Variants in GUCY2F observed in about 807,000 individuals in gnomAD.
GUCY2F encodes retinal guanylyl cyclase 2.
In GUCY2F, 61 loss-of-function variants were observed where a neutral mutation model predicts 73.1. The observed-to-expected ratio is 0.83, with a 90% CI of 0.68 to 1.03. GUCY2F has a LOEUF of 1.03. GUCY2F is among the 50% of genes least tolerant of loss of function. The pLI is 0.00. For synonymous variants in GUCY2F, 331 were observed against 307.8 expected (o/e 1.08, Z -0.79); for missense variants, 912 against 854.3 (o/e 1.07, Z -0.84).
In GUCY2F at chrX:109,404,467, G is replaced by T. The variant is rs200941900; in HGVS notation, c.1986C>A (p.His662Gln). 1 of 1,189,303 alleles carries T rather than the reference G, an allele frequency of 8.4e-7. No homozygotes were observed. Among genetic ancestry groups the T allele is most frequent in the Non-Finnish European group, 1.1e-6 (1 of 876,947 alleles). The change falls in exon 10 of 20, where the codon CAC becomes CAA. Residue 662 changes from histidine (H) to glutamine (Q), a missense_variant. Coordinates refer to ENST00000218006, the MANE Select transcript of GUCY2F (RefSeq NM_001522.3). ...GCCTCCCATGAACAAACTCTCTGTGGTGTAAGTACTTCATGCCCTGTAGAT... is the reference window on the plus strand; with the variant it reads ...GCCTCCCATGAACAAACTCTCTGTGTTGTAAGTACTTCATGCCCTGTAGAT... ...LDLIKGMKYLHHREFVHGRLK... is the reference protein window; with the variant it reads ...LDLIKGMKYLQHREFVHGRLK...
At chrX:109,376,933 G>GA (rs1259837593) in intron 17 of GUCY2F, among the ~76,000 whole-genome samples, 1 of 111,136 alleles carries the variant, frequency 9.0e-6, no homozygotes, top group Non-Finnish European at 1.9e-5. Context: ...TAATCCATAA[G>GA]AAAAAAATGT....
At chrX:109,467,876 C>A (rs1257113227) in intron 2 of GUCY2F, among the ~76,000 whole-genome samples, 2 of 112,409 alleles carry the variant, frequency 1.8e-5, no homozygotes, top group African/African-American at 6.5e-5. Context: ...ATCTGAAGAT[C>A]TGACTGTTAA....
At chrX:109,422,115 TG>T (rs1446578686) in intron 8 of GUCY2F, among the ~76,000 whole-genome samples, 1 of 111,949 alleles carries the variant, frequency 8.9e-6, no homozygotes, top group East Asian at 2.8e-4. Flanking sequence ...AACTTTCCGG[TG>T]TAATGAACAT....
intron 10 of GUCY2F, among the ~76,000 whole-genome samples, chrX:109,399,393 G>C (rs1930786440): frequency 8.9e-6 from 1 of 111,940 alleles, no homozygotes; most frequent in Non-Finnish European, 1.9e-5. Flanking sequence ...CATAGTAAAG[G>C]GAAATGAATC....
intron 7 of GUCY2F, among the ~76,000 whole-genome samples, chrX:109,433,495 T>C (rs1931662213): frequency 8.9e-6 from 1 of 112,030 alleles, no homozygotes; most frequent in South Asian, 3.8e-4. Context: ...GTTTGGGAGA[T>C]TTGTGTGTGT....
At position 109,395,433 on chromosome X, in the gene GUCY2F, C is replaced by T; in HGVS notation, c.2332G>A (p.Glu778Lys). The change falls in exon 12 of 20, where the codon GAG becomes AAG. Residue 778 changes from glutamate (E) to lysine (K), a missense_variant. Transcript: ENST00000218006. The part of the protein sequence containing the change: ...PPVYRPVVPP[E>K]HAPPECLQLM... ...TGGAGACATTCTGGAGGGGCATGCT[C>T]AGGAGGAACTACTGGTCTGTACACA... The T allele has an allele frequency of 8.4e-7, 1 of 1,197,149 alleles. No individual in the cohort carries two copies. Among genetic ancestry groups the T allele is most frequent in the Middle Eastern group, 2.3e-4 (1 of 4,316 alleles).
chrX:109,480,699 C>A (rs1932759297), intron 1 of GUCY2F, among the ~76,000 whole-genome samples: 1 of 110,733 alleles, frequency 9.0e-6, no homozygotes, highest in Admixed American at 9.7e-5. Flanking sequence ...GCTCTTTTCC[C>A]TTTGTTAACT....
At chrX:109,442,217 T>C (rs2147272945) in intron 6 of GUCY2F, among the ~76,000 whole-genome samples, 1 of 111,930 alleles carries the variant, frequency 8.9e-6, no homozygotes, top group Non-Finnish European at 1.9e-5. Flanking sequence ...CCTTTAAAAT[T>C]GAACCTCTGT....
rs113826288 is a variant in GUCY2F, at chrX:109,391,745, C to T, written c.2781+166G>A. On this transcript the variant is annotated intron_variant, in intron 14 of 19. Coordinates refer to ENST00000218006, the MANE Select transcript of GUCY2F (RefSeq NM_001522.3). The stretch of plus-strand genomic sequence containing the variant: ...ATTGGGAAATTACATGCATTCTACC[C>T]GGCTCTCATTTCCAGTGATATACCA... 4.7e-3 allele frequency among the ~76,000 whole-genome samples: 531 copies of T among 111,800 alleles called. 5 individuals carry two copies. The East Asian group carries it at 0.052, about 11-fold the overall frequency.
At chrX:109,434,652 T>C (rs1486692238) in intron 7 of GUCY2F, among the ~76,000 whole-genome samples, 1 of 110,396 alleles carries the variant, frequency 9.1e-6, no homozygotes, top group Non-Finnish European at 1.9e-5. Flanking sequence ...TTGTCAATTT[T>C]GGCTTTTGTT....
intron 8 of GUCY2F, among the ~76,000 whole-genome samples, chrX:109,413,205 C>A (rs981957013): frequency 2.7e-5 from 3 of 112,110 alleles, no homozygotes; most frequent in African/African-American, 9.8e-5. Context: ...TGCCTACATG[C>A]AGTCATGTCC....
At chrX:109,395,987 A>G (rs765030366) in intron 11 of GUCY2F, among the ~76,000 whole-genome samples, 1 of 111,837 alleles carries the variant, frequency 8.9e-6, no homozygotes, top group Non-Finnish European at 1.9e-5. Flanking sequence ...CGGTCCATGA[A>G]CTCCACTTCC....
chrX:109,441,561 T>C, intron 6 of GUCY2F, 79 bp from the exon 7 acceptor site: 5 of 689,201 alleles, frequency 7.3e-6, no homozygotes, highest in Non-Finnish European at 8.3e-6. Context: ...TTTTCTTTTT[T>C]ATTCCTAAGA....
At chrX:109,421,802 C>CA (rs1233861711) in intron 8 of GUCY2F, among the ~76,000 whole-genome samples, 1 of 109,213 alleles carries the variant, frequency 9.2e-6, no homozygotes, top group Non-Finnish European at 1.9e-5. Context: ...ATAAAATTGT[C>CA]AAAAAAAACT....
At position 109,392,749 on chromosome X, in the gene GUCY2F, G is replaced by A. The variant is rs1930597645; in HGVS notation, c.2588+143C>T. ...CAATTTTACTTTGATTTAAAGGTGTGACTAAAGCCCACTAGGAGAAGAGAA... is the reference window on the plus strand; with the variant it reads ...CAATTTTACTTTGATTTAAAGGTGTAACTAAAGCCCACTAGGAGAAGAGAA... On this transcript the variant is annotated intron_variant, in intron 13 of 19. Transcript: ENST00000218006. The A allele has an allele frequency of 1.2e-5, 5 of 411,646 alleles. No homozygotes were observed. In the South Asian group the frequency reaches 2.7e-4, roughly 23 times the overall value. The allele number at this position is 411,646 out of a possible 1,213,427, so 33.9% of individuals were successfully genotyped here.
intron 8 of GUCY2F, among the ~76,000 whole-genome samples, chrX:109,416,703 C>T (rs1164618038): frequency 1.8e-5 from 2 of 110,411 alleles, no homozygotes; most frequent in Non-Finnish European, 3.8e-5. Context: ...AAAGAAAATG[C>T]CCTGCATATA....
In GUCY2F at chrX:109,395,386, A is replaced by T. The variant is rs753744809; in HGVS notation, c.2379T>A (p.Ala793=). 19 of 1,204,242 alleles carry T rather than the reference A, an allele frequency of 1.6e-5. No homozygotes were observed. The highest frequency in any genetic ancestry group is 2.0e-5 in the Non-Finnish European group (18 of 889,979). The change falls in exon 12 of 20, where the codon GCT becomes GCA. Residue 793 remains alanine (A), a synonymous_variant. Coordinates refer to ENST00000218006, the MANE Select transcript of GUCY2F (RefSeq NM_001522.3). ...AAGTTGGTCGTTGTTCTGCAGCCTC[A>T]GCCCAGCACTGCTTCATCAGCTGGA... is the stretch of plus-strand genomic sequence containing the variant. ...ECLQLMKQCW[A]EAAEQRPTFD...
chrX:109,425,795 C>T (rs1006418446), intron 8 of GUCY2F, among the ~76,000 whole-genome samples: 1 of 110,554 alleles, frequency 9.0e-6, no homozygotes, highest in Non-Finnish European at 1.9e-5. Flanking sequence ...CCCCAAAAAA[C>T]TATGGAAATA....
At chrX:109,465,841 T>A (rs900049239) in intron 2 of GUCY2F, among the ~76,000 whole-genome samples, 1 of 112,307 alleles carries the variant, frequency 8.9e-6, no homozygotes, top group Admixed American at 9.4e-5. Context: ...TAACAATATA[T>A]ACTTATGGGA....
Sources: gnomAD v4.1 joint callset for allele counts (sites outside exome capture counted in the v4.1 genomes callset) on GRCh38, gnomAD v4.1.1 for gene constraint, MANE v1.5 for transcripts, NCBI Gene and HGNC (gene_info 2026-07-23, HGNC 2026-07-21) for gene names.